GDA: variants seen among roughly 807,000 people sequenced by gnomAD.
GDA encodes the protein guanine deaminase, also known as cytoplasmic PSD-95 interactor.
Under a neutral mutation model 59.6 loss-of-function variants are expected in GDA, and 18 were observed. The observed-to-expected ratio is 0.30, with a 90% CI of 0.21 to 0.45. The LOEUF is 0.45. GDA is among the 20% of genes least tolerant of loss of function. The pLI, the probability that GDA is intolerant of heterozygous loss-of-function variation, is 1.00. For synonymous variants in GDA, 201 were observed against 201.1 expected (o/e 1.00, Z 0.00); for missense variants, 427 against 552.3 (o/e 0.77, Z 2.27).
At chr9:72,174,704 GTTGGGAACTGTTGAGGTTATATA>G (rs934533787) in intron 1 of GDA, among the ~76,000 whole-genome samples, 1 of 151,898 alleles carries the variant, frequency 6.6e-6, no homozygotes, top group Non-Finnish European at 1.5e-5. Context: ...GGCCGGGTCT[GTTGGGAACTGTTGAGGTTATATA>G]TTGGGAACTG....
At chr9:72,150,320 C>G (rs1326474685) in intron 1 of GDA, among the ~76,000 whole-genome samples, 1 of 99,652 alleles carries the variant, frequency 1.0e-5, no homozygotes, top group Non-Finnish European at 2.1e-5. Context: ...CACACGCGTA[C>G]ACACACACAC....
chr9:72,248,275 A>G lies in GDA; in HGVS notation c.1298A>G (p.Asp433Gly). ...AVIQKFLYLG[D>G]DRNIEEVYVG... ...GATTCCTTGATTTTTCTTTCAGGAG[A>G]TGATCGAAATATTGAAGAGGTTTAT... The change falls in exon 14 of 14, where the codon GAT becomes GGT. Residue 433 changes from aspartate (D) to glycine (G), a missense_variant. Physicochemically the swap from Asp to Gly is moderately conservative, Grantham distance 94. Coordinates refer to ENST00000358399, the MANE Select transcript of GDA (RefSeq NM_004293.5). The G allele has an allele frequency of 6.2e-7, 1 of 1,605,460 alleles. No individual in the cohort carries two copies. The highest frequency in any genetic ancestry group is 8.5e-7 in the Non-Finnish European group (1 of 1,172,210).
chr9:72,213,745 G>A (rs1835712488), intron 4 of GDA, 141 bp from the exon 5 acceptor site: 2 of 496,594 alleles, frequency 4.0e-6, no homozygotes, highest in East Asian at 3.7e-5. Context: ...GGAGCTTGCA[G>A]TGAGCCGAGA....
At chr9:72,133,045 C>T (rs1307239414) in intron 1 of GDA, among the ~76,000 whole-genome samples, 1 of 151,930 alleles carries the variant, frequency 6.6e-6, no homozygotes, top group African/African-American at 2.4e-5. Flanking sequence ...AATTCCAGCA[C>T]TTTGGGAGGC....
chr9:72,241,200 C>T lies in GDA; in HGVS notation c.1037C>T (p.Ala346Val). The T allele has an allele frequency of 1.2e-6, 2 of 1,610,140 alleles. No individual in the cohort carries two copies. The highest frequency in any genetic ancestry group is 2.2e-5 in the South Asian group (2 of 90,828). Residue 346 changes from alanine (A) to valine (V), a missense_variant, in exon 11 of 14, where the codon GCA (alanine) becomes GTA (valine). Physicochemically the swap from Ala to Val is moderately conservative, Grantham distance 64. Transcript: ENST00000358399. Reference protein sequence around the residue: ...SYSMLDAIRRAVMVSNILLIN... With the variant: ...SYSMLDAIRRVVMVSNILLIN... ...TCCATGCTTGATGCAATCAGAAGAGCAGTGATGGTTTCCAATATCCTTTTA... is the reference window on the plus strand; with the variant it reads ...TCCATGCTTGATGCAATCAGAAGAGTAGTGATGGTTTCCAATATCCTTTTA...
At position 72,250,562 on chromosome 9, in the gene GDA, G is replaced by T; in HGVS notation, c.*2220G>T. The stretch of plus-strand genomic sequence containing the variant: ...TATGTGTTTTATTTCTCCAAGTGCG[G>T]TGTTCCTGAATGTTATGTATGCTTT... On this transcript the variant is annotated 3_prime_UTR_variant, in exon 14 of 14. Transcript: ENST00000358399. The T allele has an allele frequency of 6.9e-7, 1 of 1,456,594 alleles. No individual in the cohort carries two copies. Among genetic ancestry groups the T allele is most frequent in the South Asian group, 1.4e-5 (1 of 70,778 alleles). 90.2% of individuals were successfully genotyped at this position (1,456,594 alleles called of 1,614,324 possible). A position where few individuals can be genotyped will look rare whatever the true frequency, so the allele number is the denominator to read the frequency against.
chr9:72,147,940 T>C (rs1310265115), upstream of GDA, among the ~76,000 whole-genome samples: 1 of 152,200 alleles, frequency 6.6e-6, no homozygotes, highest in Non-Finnish European at 1.5e-5. Context: ...TCTGTGTGCA[T>C]GGTTCTGACG....
intron 2 of GDA, 60 bp downstream of exon 2, chr9:72,195,648 C>A: frequency 1.5e-6 from 1 of 645,308 alleles, no homozygotes; most frequent in South Asian, 2.3e-5. Flanking sequence ...TTATAGAAAA[C>A]CTGCCTTGAG....
chr9:72,123,094 T>C (rs1489664577), intron 1 of GDA, among the ~76,000 whole-genome samples: 1 of 152,140 alleles, frequency 6.6e-6, no homozygotes, highest in African/African-American at 2.4e-5. Flanking sequence ...TAATTACTTA[T>C]CTTTCTTCAA....
chr9:72,231,423 G>C (rs1838335576), intron 10 of GDA, among the ~76,000 whole-genome samples: 2 of 152,046 alleles, frequency 1.3e-5, no homozygotes, highest in South Asian at 4.1e-4. Flanking sequence ...AAAATAGCCA[G>C]GTGTGGCAGT....
At position 72,242,586 on chromosome 9, in the gene GDA, G is replaced by C. The variant is rs1350541395; in HGVS notation, c.1135+1288G>C. Among the ~76,000 whole-genome samples the C allele has an allele frequency of 2.6e-5, 4 of 152,322 alleles. No homozygotes were observed. The East Asian group carries it at 7.7e-4, about 29-fold the overall frequency. ...CGAAGCCAAGATTATCCTGGGAAGA[G>C]AAACTTCTCAGATGTTCTCTGAGTG... is the stretch of plus-strand genomic sequence containing the variant. On this transcript the variant is annotated intron_variant, in intron 11 of 13. Coordinates refer to ENST00000358399, the MANE Select transcript of GDA (RefSeq NM_004293.5).
rs371828999 is a variant in GDA at position 72,219,133 on chromosome 9, G to A, written c.579-346G>A. Among the ~76,000 whole-genome samples the A allele has an allele frequency of 4.8e-4, 73 of 152,098 alleles. No individual in the cohort carries two copies. In the East Asian group the frequency reaches 0.014, roughly 28 times the overall value. On this transcript the variant is annotated intron_variant, in intron 5 of 13. Transcript: ENST00000358399. ...TATTTGAAAATGGTCGGCCGGTCGC[G>A]GTGGTTCACGCCTGTAATCCCAGCA...
rs115464187 is a variant in GDA, at chr9:72,165,436, C to A, written c.123+15754C>A. On this transcript the variant is annotated intron_variant, in intron 1 of 13. Transcript: ENST00000358399. ...GCAGTGAAACACTTCATTTTATTAA[C>A]GTCAAGCAAGTAAGGCATTATTTTC... is the stretch of plus-strand genomic sequence containing the variant. 7.4e-3 allele frequency among the ~76,000 whole-genome samples: 1,128 copies of A among 152,130 alleles called. 19 individuals are homozygous for A. The highest frequency in any genetic ancestry group is 0.025 in the African/African-American group (1,043 of 41,506).
chr9:72,179,788 G>C (rs1030570838), intron 1 of GDA, among the ~76,000 whole-genome samples: 1 of 152,182 alleles, frequency 6.6e-6, no homozygotes, highest in Admixed American at 6.5e-5. Flanking sequence ...TTCCAGGCCT[G>C]TCTTCTTTGC....
intron 1 of GDA, among the ~76,000 whole-genome samples, chr9:72,155,257 C>T (rs985475685): frequency 3.9e-5 from 6 of 152,182 alleles, no homozygotes; most frequent in South Asian, 2.1e-4. Context: ...GATGAAAAAG[C>T]GGAAACTCCT....
intron 1 of GDA, among the ~76,000 whole-genome samples, chr9:72,175,307 C>G (rs913599505): frequency 6.6e-6 from 1 of 152,124 alleles, no homozygotes; most frequent in African/African-American, 2.4e-5. Flanking sequence ...GCTGGGATCA[C>G]AGGGGTGAAC....
intron 1 of GDA, among the ~76,000 whole-genome samples, chr9:72,129,354 G>A (rs4333677): frequency 0.47 from 70,806 of 152,040 alleles, 18,318 homozygotes; most frequent in Non-Finnish European, 0.58. Context: ...AGCCAGGCAC[G>A]GCTGCGTTCT....
upstream of GDA, among the ~76,000 whole-genome samples, chr9:72,146,434 A>G (rs958002011): frequency 2.6e-5 from 4 of 151,980 alleles, no homozygotes; most frequent in Non-Finnish European, 5.9e-5. Context: ...AGCCAGGAGA[A>G]TATTTCCCTG....
intron 1 of GDA, among the ~76,000 whole-genome samples, chr9:72,169,713 T>C (rs911652214): frequency 1.5e-4 from 23 of 152,194 alleles, no homozygotes; most frequent in Admixed American, 1.2e-3. Flanking sequence ...TGGACCAACA[T>C]TTTGCGTTTC....
Sources: allele counts gnomAD v4.1 joint callset (sites outside exome capture counted in the v4.1 genomes callset), GRCh38; gene constraint gnomAD v4.1.1; transcripts MANE v1.5; gene names NCBI Gene and HGNC (gene_info 2026-07-23, HGNC 2026-07-21).